LAMA5: variants seen among roughly 807,000 people sequenced by gnomAD.
The protein encoded by LAMA5 is laminin subunit alpha-5.
LAMA5 carries 260 observed loss-of-function variants against 433.4 expected under a neutral mutation model. The ratio of observed to expected loss-of-function variants is 0.60; its 90% CI spans 0.54 to 0.66. LAMA5 has a LOEUF of 0.66. Among genes scored for constraint, LAMA5 ranks in the 30% least tolerant of loss-of-function variants. LAMA5 has a pLI of 0.00. For synonymous variants in LAMA5, 2,620 were observed against 2,226.6 expected (o/e 1.18, Z -4.97); for missense variants, 5,378 against 5,258.5 (o/e 1.02, Z -0.70).
At chr20:62,355,564 G>A (rs1170226151) in intron 2 of LAMA5, 1 of 152,310 alleles carries the variant, frequency 6.6e-6, no homozygotes, top group African/African-American at 2.4e-5. Flanking sequence ...GGGGACTGTG[G>A]GAGCCAAGCG....
At chr20:62,332,267 C>T (rs1238999267) in intron 28 of LAMA5, 105 bp downstream of exon 28, 13 of 795,604 alleles carry the variant, frequency 1.6e-5, no homozygotes, top group South Asian at 3.1e-5. Flanking sequence ...CGAGTGTGGC[C>T]GCCTTGGGGA....
Position 62,310,695 on chromosome 20 carries a change from G to A in LAMA5, c.10416C>T (p.Leu3472=), listed in dbSNP as rs769164329. 6 of 1,602,370 alleles carry A rather than the reference G, an allele frequency of 3.7e-6. No homozygotes were observed. In the Admixed American group the frequency reaches 1.0e-4, roughly 27 times the overall value. Residue 3472 remains leucine (L), a synonymous_variant, in exon 75 of 80, where the codon CTC becomes CTT. Coordinates refer to ENST00000252999, the MANE Select transcript of LAMA5 (RefSeq NM_005560.6). ...PQPHTLFVGG[L]PASSHSSKLP... is the part of the protein sequence containing the mutation. ...GTTTGGAGCTGTGGCTGCTGGCCGG[G>A]AGGCCGCCCACAAAGAGGGTGTGGG...
In LAMA5 at chr20:62,310,914, G is replaced by A; in HGVS notation, c.10269C>T (p.Gly3423=). ...RAQSRQRSRP[G]RWHKVSVRWE... ...TCTCGGCCCTCACCTTGTGCCAGCGGCCAGGCCGGGAGCGCTGGCGGCTCT... is the reference window on the plus strand; with the variant it reads ...TCTCGGCCCTCACCTTGTGCCAGCGACCAGGCCGGGAGCGCTGGCGGCTCT... The change falls in exon 74 of 80, where the codon GGC becomes GGT. Residue 3423 remains glycine, a synonymous_variant. Coordinates refer to ENST00000252999, the MANE Select transcript of LAMA5 (RefSeq NM_005560.6). 1 of 1,610,334 alleles carries A rather than the reference G, an allele frequency of 6.2e-7. No homozygotes were observed. Among genetic ancestry groups the A allele is most frequent in the Non-Finnish European group, 8.5e-7 (1 of 1,179,344 alleles).
chr20:62,313,618 T>TCCCAGGCTGC, intron 63 of LAMA5, 31 bp downstream of exon 63: 1 of 1,610,422 alleles, frequency 6.2e-7, no homozygotes, highest in Non-Finnish European at 8.5e-7. Context: ...GCGGAGCCCC[T>TCCCAGGCTGC]CCCAGGCTGC....
chr20:62,353,373 C>T, intron 2 of LAMA5, 122 bp from the exon 3 acceptor site: 2 of 684,050 alleles, frequency 2.9e-6, no homozygotes, highest in Middle Eastern at 3.1e-4. Flanking sequence ...CCTCGCCGCA[C>T]AGGGGGCACC....
chr20:62,335,737 G>C (rs549209401), intron 18 of LAMA5, among the ~76,000 whole-genome samples: 1 of 137,536 alleles, frequency 7.3e-6, no homozygotes, highest in South Asian at 2.3e-4. Context: ...AGCACCCCGA[G>C]GAAACCCCGT....
intron 63 of LAMA5, 87 bp from the exon 64 acceptor site, chr20:62,313,547 C>T (rs183515449): frequency 1.0e-4 from 163 of 1,558,572 alleles, no homozygotes; most frequent in Non-Finnish European, 1.3e-4. Context: ...TACAGCAGGA[C>T]GGACTGAGGC....
chr20:62,322,721 G>C lies in LAMA5; in HGVS notation c.6102C>G (p.Asp2034Glu). The stretch of plus-strand genomic sequence containing the variant: ...TGCACAGGCAGTGCCCGCTGTGGGG[G>C]TCGCAGGCCTCTGTCCCACATGGGG... ...DCTPCGTEAC[D>E]PHSGHCLCKA... Residue 2034 changes from aspartate to glutamate, a missense_variant, in exon 46 of 80, where the codon GAC (aspartate) becomes GAG (glutamate). Physicochemically the swap from Asp to Glu is conservative, Grantham distance 45 (BLOSUM62 2). Transcript: ENST00000252999. The C allele has an allele frequency of 6.5e-7, 1 of 1,536,816 alleles. No individual in the cohort carries two copies. Among genetic ancestry groups the C allele is most frequent in the South Asian group, 1.2e-5 (1 of 81,530 alleles).
Position 62,311,257 on chromosome 20 carries a change from GGGCAGCATGCA to G in LAMA5, c.9982_9992del (p.Cys3328ProfsTer30). 6.2e-7 allele frequency: 1 copy of G among 1,606,144 alleles called. No individual in the cohort carries two copies. Among genetic ancestry groups the G allele is most frequent in the Non-Finnish European group, 8.5e-7 (1 of 1,177,518 alleles). ...AGTCTCGGGTGGTCCTGAGGTGTGG[GGGCAGCATGCA>G]GGCAGGATGCCGGGCGGGCTGACGG... is the stretch of plus-strand genomic sequence containing the variant. On this transcript the variant is annotated frameshift_variant, in exon 73 of 80. Coordinates refer to ENST00000252999, the MANE Select transcript of LAMA5 (RefSeq NM_005560.6). LOFTEE classifies it high-confidence loss of function.
chr20:62,362,844 G>T (rs1286022286), intron 1 of LAMA5, among the ~76,000 whole-genome samples: 4 of 141,716 alleles, frequency 2.8e-5, no homozygotes, highest in Non-Finnish European at 6.3e-5. Context: ...CTCTCTAGCG[G>T]GGTGGCGTCT....
Position 62,337,834 on chromosome 20 carries a change from G to C in LAMA5, c.1996C>G (p.Pro666Ala). The C allele has an allele frequency of 6.2e-7, 1 of 1,612,752 alleles. No homozygotes were observed. The highest frequency in any genetic ancestry group is 1.1e-5 in the South Asian group (1 of 91,080). Residue 666 changes from proline to alanine, a missense_variant, in exon 15 of 80, where the codon CCC becomes GCC. Pro to Ala is a conservative substitution (Grantham distance 27). Transcript: ENST00000252999. ...CAGCTGGGGAAGCCGTGAAAGCCGG[G>C]GCTGCATTCCTGGCAGGCAGTGCCT... ...YTGTACQECS[P>A]GFHGFPSCVP...
rs1021099890 is a variant in LAMA5 at position 62,352,224 on chromosome 20, T to C, written c.687+18A>G. 6.3e-7 allele frequency: 1 copy of C among 1,584,934 alleles called. No homozygotes were observed. Among genetic ancestry groups the C allele is most frequent in the Non-Finnish European group, 8.6e-7 (1 of 1,168,446 alleles). On this transcript the variant is annotated intron_variant, in intron 4 of 79. Transcript: ENST00000252999. ...CCGTTCTCCAGCCCCCGTACCGCCC[T>C]GCCCCTCCCCGGCCCACCTCTCCGT...
chr20:62,350,233 T>C (rs1984086419), intron 6 of LAMA5, among the ~76,000 whole-genome samples: 1 of 152,036 alleles, frequency 6.6e-6, no homozygotes. Flanking sequence ...TTCCACTCCC[T>C]GCTGTCACGA....
chr20:62,365,003 C>T lies in LAMA5; in HGVS notation c.297+1946G>A, dbSNP rs149341042. The stretch of plus-strand genomic sequence containing the variant: ...GCAAGGACTTCTCACACGCCCAATC[C>T]GCGGCCAGGGCGGTCAGCAGACCCG... On this transcript the variant is annotated intron_variant, in intron 1 of 79. Coordinates refer to ENST00000252999, the MANE Select transcript of LAMA5 (RefSeq NM_005560.6). 4.8e-3 allele frequency among the ~76,000 whole-genome samples: 733 copies of T among 152,382 alleles called. 8 individuals carry two copies. Among genetic ancestry groups the T allele is most frequent in the Non-Finnish European group, 7.4e-3 (504 of 68,036 alleles).
chr20:62,352,183 T>G, intron 4 of LAMA5, 59 bp downstream of exon 4: 1 of 1,555,978 alleles, frequency 6.4e-7, no homozygotes, highest in Non-Finnish European at 8.7e-7. Flanking sequence ...GCACTGCCCC[T>G]CCCCTACCCA....
In LAMA5 at chr20:62,310,367, T is replaced by C. The variant is rs888698005; in HGVS notation, c.10600+52A>G. On this transcript the variant is annotated intron_variant, in intron 76 of 79. Coordinates refer to ENST00000252999, the MANE Select transcript of LAMA5 (RefSeq NM_005560.6). ...GGGGGGGCCCCTCCCCAGAACCTCC[T>C]GGAGCCCCCTGCCCTGCCCTGCTGA... 1.2e-5 allele frequency: 19 copies of C among 1,567,880 alleles called. 1 individual carries two copies. The highest frequency in any genetic ancestry group is 8.6e-7 in the Non-Finnish European group (1 of 1,157,976).
At chr20:62,344,365 C>T (rs1243033717) in intron 11 of LAMA5, among the ~76,000 whole-genome samples, 2 of 151,996 alleles carry the variant, frequency 1.3e-5, no homozygotes, top group East Asian at 1.9e-4. Flanking sequence ...TCTATCAAGC[C>T]AAGAGTGATA....
intron 3 of LAMA5, 44 bp downstream of exon 3, chr20:62,353,090 C>G: frequency 9.3e-6 from 13 of 1,394,348 alleles, no homozygotes; most frequent in Non-Finnish European, 1.3e-5. Context: ...TGCCCAGGGA[C>G]CCCCCTGCCT....
chr20:62,313,355 C>A lies in LAMA5; in HGVS notation c.8764G>T (p.Asp2922Tyr). Residue 2922 changes from aspartate to tyrosine, a missense_variant, in exon 64 of 80, where the codon GAC (aspartate) becomes TAC (tyrosine). Coordinates refer to ENST00000252999, the MANE Select transcript of LAMA5 (RefSeq NM_005560.6). ...LYNFERTFQL[D>Y]TAVDRPCARS... ...GCACAAGGCCTGTCCACAGCCGTGT[C>A]CAGCTGGAAGGTCCTCTCGAAGTTG... The A allele has an allele frequency of 1.3e-6, 2 of 1,576,744 alleles. No individual in the cohort carries two copies. The highest frequency in any genetic ancestry group is 8.6e-7 in the Non-Finnish European group (1 of 1,161,754).
Sources: gnomAD v4.1 joint callset for allele counts (sites outside exome capture counted in the v4.1 genomes callset) on GRCh38, gnomAD v4.1.1 for gene constraint, MANE v1.5 for transcripts, NCBI Gene and HGNC (gene_info 2026-07-23, HGNC 2026-07-21) for gene names.